Variants in SNW1 observed in about 807,000 individuals in gnomAD.
SNW1 encodes SNW domain containing 1.
In SNW1, 9 loss-of-function variants were observed where a neutral mutation model predicts 75.6. The ratio of observed to expected loss-of-function variants is 0.12; its 90% CI spans 0.07 to 0.21. The LOEUF (loss-of-function observed/expected upper bound fraction) is 0.21, where lower values mean the gene tolerates loss of function less well. Ranked by LOEUF, SNW1 falls within the 10% of genes least tolerant of loss-of-function variation. The pLI is 1.00. For missense variants in SNW1, 409 were observed against 670.9 expected, an observed-to-expected ratio of 0.61 and a Z score of 4.31; for synonymous variants, 200 against 219.1, an observed-to-expected ratio of 0.91 and a Z score of 0.77.
chr14:77,737,961 C>T (rs1595082542), intron 5 of SNW1, among the ~76,000 whole-genome samples: 1 of 129,638 alleles, frequency 7.7e-6, no homozygotes, highest in East Asian at 2.4e-4. Context: ...CACTGCATTC[C>T]AGCCTGGGTG....
At chr14:77,753,824 G>A (rs2080824996) in intron 2 of SNW1, among the ~76,000 whole-genome samples, 1 of 151,592 alleles carries the variant, frequency 6.6e-6, no homozygotes. Flanking sequence ...GTGGTGGCAC[G>A]TGCCTGTAAT....
chr14:77,738,365 T>C (rs1009852367), intron 5 of SNW1, among the ~76,000 whole-genome samples: 8 of 151,904 alleles, frequency 5.3e-5, no homozygotes, highest in Non-Finnish European at 1.0e-4. Context: ...TCTCAGCACT[T>C]TGGGATGACA....
chr14:77,742,031 C>T (rs1221406292), intron 3 of SNW1, among the ~76,000 whole-genome samples: 3 of 151,212 alleles, frequency 2.0e-5, no homozygotes, highest in Non-Finnish European at 4.4e-5. Context: ...TTATAAAACC[C>T]CCCATTTTTT....
chr14:77,755,463 G>C (rs2080836660), intron 1 of SNW1, among the ~76,000 whole-genome samples: 1 of 151,954 alleles, frequency 6.6e-6, no homozygotes, highest in South Asian at 2.1e-4. Context: ...CTGTTGCCCA[G>C]GCTGGAGTAC....
intron 2 of SNW1, among the ~76,000 whole-genome samples, chr14:77,754,264 G>C (rs1191377809): frequency 2.0e-5 from 3 of 151,954 alleles, no homozygotes; most frequent in East Asian, 2.0e-4. Context: ...GGCTGGTCTC[G>C]AACTCCTGGC....
intron 3 of SNW1, among the ~76,000 whole-genome samples, chr14:77,740,098 C>T (rs1218140822): frequency 7.0e-6 from 1 of 142,414 alleles, no homozygotes; most frequent in Non-Finnish European, 1.5e-5. Flanking sequence ...TGCGTCACTG[C>T]ACTCCAGCCT....
intron 9 of SNW1, among the ~76,000 whole-genome samples, chr14:77,731,923 A>C (rs2080630459): frequency 6.6e-6 from 1 of 152,126 alleles, no homozygotes; most frequent in African/African-American, 2.4e-5. Flanking sequence ...TTTAGTAGAG[A>C]TGGAGTTTCA....
chr14:77,731,176 T>C, intron 9 of SNW1, 47 bp from the exon 10 acceptor site: 1 of 1,586,364 alleles, frequency 6.3e-7, no homozygotes, highest in African/African-American at 1.4e-5. Flanking sequence ...ATGGGATAAA[T>C]ATTTATGGCT....
chr14:77,755,303 A>C (rs773622217), intron 1 of SNW1, among the ~76,000 whole-genome samples, 183 bp from the exon 2 acceptor site: 48 of 152,266 alleles, frequency 3.2e-4, no homozygotes, highest in Non-Finnish European at 1.5e-4. Flanking sequence ...GGAAGACAGA[A>C]GTACTCAAAG....
intron 3 of SNW1, among the ~76,000 whole-genome samples, chr14:77,747,760 G>A (rs1428878582): frequency 6.6e-6 from 1 of 150,470 alleles, no homozygotes; most frequent in Non-Finnish European, 1.5e-5. Flanking sequence ...GTGGGGGCCA[G>A]CCCCTGCCTG....
intron 6 of SNW1, 128 bp downstream of exon 6, chr14:77,736,843 C>T: frequency 3.0e-6 from 2 of 663,378 alleles, no homozygotes; most frequent in Non-Finnish European, 5.2e-6. Flanking sequence ...TTTGCATTTC[C>T]TGGAGTTTTA....
intron 3 of SNW1, among the ~76,000 whole-genome samples, chr14:77,749,281 TAA>T (rs775435912): frequency 1.3e-5 from 2 of 152,212 alleles, no homozygotes; most frequent in Non-Finnish European, 2.9e-5. Flanking sequence ...AAAAATGTGT[TAA>T]GAGACTTTTG....
chr14:77,758,315 C>CAAAAAAAAAAAAAAAAAAAAAAAAAAA (rs55707854), intron 1 of SNW1, among the ~76,000 whole-genome samples: 1 of 85,836 alleles, frequency 1.2e-5, no homozygotes, highest in Non-Finnish European at 2.0e-5. Flanking sequence ...GACTCTGCCA[C>CAAAAAAAAAAAAAAAAAAAAAAAAAAA]AAAAAAAAAA....
chr14:77,720,369 A>G (rs1258798524), intron 12 of SNW1: 3 of 621,044 alleles, frequency 4.8e-6, no homozygotes, highest in Non-Finnish European at 8.6e-6. Context: ...TCCTGACCTC[A>G]GGTGATCTGC....
intron 8 of SNW1, among the ~76,000 whole-genome samples, chr14:77,734,601 G>A (rs2080655274): frequency 6.6e-6 from 1 of 152,162 alleles, no homozygotes; most frequent in African/African-American, 2.4e-5. Context: ...AGCCGGACGT[G>A]GTGGCATGCG....
At position 77,760,875 on chromosome 14, in the gene SNW1, C is replaced by T. The variant is rs528083555; in HGVS notation, c.14+239G>A. The T allele has an allele frequency of 1.3e-4, 113 of 849,832 alleles. 1 individual carries two copies. The East Asian group carries it at 2.8e-3, about 21-fold the overall frequency. The allele number at this position is 849,832 out of a possible 1,614,324, so 52.6% of individuals were successfully genotyped here. A position where few individuals can be genotyped will look rare whatever the true frequency, so the allele number is the denominator to read the frequency against. ...AAAACCCACTCTTCAGTGTCTGAGA[C>T]CACTCCGCAGCTTTCGGCCTCGGTG... On this transcript the variant is annotated intron_variant, in intron 1 of 13. Transcript: ENST00000261531.
At chr14:77,735,316 G>A (rs144655855) in intron 7 of SNW1, among the ~76,000 whole-genome samples, 106 of 151,968 alleles carry the variant, frequency 7.0e-4, no homozygotes, top group African/African-American at 2.5e-3. Flanking sequence ...ACGGGGTTTC[G>A]CTTTTGTTGC....
intron 3 of SNW1, among the ~76,000 whole-genome samples, chr14:77,743,429 C>A (rs2080734772): frequency 6.6e-6 from 1 of 152,122 alleles, no homozygotes; most frequent in South Asian, 2.1e-4. Flanking sequence ...ATTCTTCTCA[C>A]CTCTTATACC....
intron 3 of SNW1, among the ~76,000 whole-genome samples, chr14:77,739,719 T>A (rs2080701949): frequency 6.6e-6 from 1 of 152,174 alleles, no homozygotes; most frequent in Non-Finnish European, 1.5e-5. Context: ...CAACATGGTT[T>A]CTATTAGGCT....
Sources: gnomAD v4.1 joint callset for allele counts (sites outside exome capture counted in the v4.1 genomes callset) on GRCh38, gnomAD v4.1.1 for gene constraint, MANE v1.5 for transcripts, NCBI Gene and HGNC (gene_info 2026-07-23, HGNC 2026-07-21) for gene names.